ASCC3: variants seen among roughly 807,000 people sequenced by gnomAD.
ASCC3 encodes ASC-1 complex subunit P200.
A neutral mutation model predicts 256.3 loss-of-function variants in ASCC3; 158 were observed. The ratio of observed to expected loss-of-function variants is 0.62; its 90% CI spans 0.54 to 0.70. ASCC3 has a LOEUF of 0.70. Among genes scored for constraint, ASCC3 ranks in the 30% least tolerant of loss-of-function variants. The probability of loss-of-function intolerance (pLI) is 0.00; values close to 1 mark genes in which losing one functional copy is unlikely to be tolerated. For missense variants in ASCC3, 2,259 were observed against 2,626.0 expected, an observed-to-expected ratio of 0.86 and a Z score of 3.05; for synonymous variants, 948 against 883.4, an observed-to-expected ratio of 1.07 and a Z score of -1.30.
intron 36 of ASCC3, among the ~76,000 whole-genome samples, chr6:100,583,388 T>C (rs184490665): frequency 7.2e-5 from 11 of 151,802 alleles, no homozygotes; most frequent in Non-Finnish European, 1.2e-4. Context: ...GTGTTTGTAG[T>C]ATTCTCTGAT....
chr6:100,748,800 G>A (rs1475922093), intron 10 of ASCC3, among the ~76,000 whole-genome samples: 3 of 152,094 alleles, frequency 2.0e-5, no homozygotes, highest in African/African-American at 7.2e-5. Context: ...GTGCTTTCAT[G>A]ACTGGAGAAA....
intron 13 of ASCC3, among the ~76,000 whole-genome samples, chr6:100,689,566 C>G (rs1777738777): frequency 6.6e-6 from 1 of 152,140 alleles, no homozygotes; most frequent in Admixed American, 6.5e-5. Flanking sequence ...TCAGTGGATG[C>G]TCAATAAATA....
chr6:100,599,664 C>A, intron 34 of ASCC3, among the ~76,000 whole-genome samples: 6 of 148,512 alleles, frequency 4.0e-5, no homozygotes, highest in African/African-American at 2.5e-5. Flanking sequence ...GAAAGTTCAA[C>A]AATTAAAAAA....
At chr6:100,589,009 A>T (rs1344611173) in intron 36 of ASCC3, among the ~76,000 whole-genome samples, 1 of 152,192 alleles carries the variant, frequency 6.6e-6, no homozygotes, top group East Asian at 1.9e-4. Context: ...CTTAAAATCA[A>T]CAAAGGGAAA....
intron 4 of ASCC3, among the ~76,000 whole-genome samples, chr6:100,825,628 C>G (rs1179818017): frequency 6.6e-6 from 1 of 152,034 alleles, no homozygotes; most frequent in African/African-American, 2.4e-5. Flanking sequence ...CTCTGTATTT[C>G]CTGAATTTGA....
At chr6:100,761,912 C>T (rs1323473123) in intron 10 of ASCC3, among the ~76,000 whole-genome samples, 2 of 152,132 alleles carry the variant, frequency 1.3e-5, no homozygotes, top group African/African-American at 4.8e-5. Flanking sequence ...ACCCTTTATT[C>T]CCACCCTTAT....
intron 13 of ASCC3, among the ~76,000 whole-genome samples, chr6:100,687,030 TCTCTCACACA>T (rs1320855180): frequency 6.2e-5 from 8 of 129,352 alleles, no homozygotes; most frequent in East Asian, 2.7e-4. Flanking sequence ...TCTCTCTCTC[TCTCTCACACA>T]CACACACACA....
intron 27 of ASCC3, 101 bp downstream of exon 27, chr6:100,628,914 T>C (rs893806016): frequency 1.8e-6 from 2 of 1,134,232 alleles, no homozygotes; most frequent in African/African-American, 3.1e-5. Context: ...CATTGTGCCC[T>C]AGAAATATAT....
At chr6:100,570,674 A>G (rs1185904615) in intron 36 of ASCC3, among the ~76,000 whole-genome samples, 2 of 152,014 alleles carry the variant, frequency 1.3e-5, no homozygotes, top group Non-Finnish European at 2.9e-5. Flanking sequence ...ATCTCAACCA[A>G]TTCAATGACT....
chr6:100,732,812 G>A (rs1779968740), intron 10 of ASCC3, among the ~76,000 whole-genome samples: 2 of 152,090 alleles, frequency 1.3e-5, no homozygotes, highest in South Asian at 4.1e-4. Flanking sequence ...AACTGCCACT[G>A]CCACAACCTA....
At chr6:100,834,954 A>T (rs931126537) in intron 4 of ASCC3, among the ~76,000 whole-genome samples, 1 of 152,154 alleles carries the variant, frequency 6.6e-6, no homozygotes, top group Non-Finnish European at 1.5e-5. Flanking sequence ...TATTTTATGA[A>T]ACTGGAATAA....
At chr6:100,766,928 T>G (rs1018756853) in intron 9 of ASCC3, among the ~76,000 whole-genome samples, 2 of 152,194 alleles carry the variant, frequency 1.3e-5, no homozygotes, top group African/African-American at 2.4e-5. Flanking sequence ...CTTTGAAAAT[T>G]GTATAGATGT....
chr6:100,547,504 A>G (rs1769034491), intron 36 of ASCC3, among the ~76,000 whole-genome samples: 1 of 152,096 alleles, frequency 6.6e-6, no homozygotes, highest in Non-Finnish European at 1.5e-5. Context: ...CAAAGCTCCA[A>G]CAATGAGAAA....
At chr6:100,567,152 T>C (rs1221454088) in intron 36 of ASCC3, among the ~76,000 whole-genome samples, 3 of 152,040 alleles carry the variant, frequency 2.0e-5, no homozygotes, top group Admixed American at 6.6e-5. Context: ...AATAAACACA[T>C]AATCAAGAAA....
At chr6:100,601,473 A>C (rs1772609353) in intron 34 of ASCC3, among the ~76,000 whole-genome samples, 1 of 151,856 alleles carries the variant, frequency 6.6e-6, no homozygotes, top group South Asian at 2.1e-4. Context: ...CACAAGCCTC[A>C]CTCTTTTCTG....
At chr6:100,864,300 A>T in intron 2 of ASCC3, 86 bp from the exon 3 acceptor site, 1 of 1,242,204 alleles carries the variant, frequency 8.1e-7, no homozygotes, top group South Asian at 1.3e-5. Flanking sequence ...GCATTACATT[A>T]TACAACTTGG....
intron 13 of ASCC3, among the ~76,000 whole-genome samples, chr6:100,692,094 T>C (rs1018197425): frequency 3.9e-5 from 6 of 152,142 alleles, no homozygotes; most frequent in African/African-American, 1.2e-4. Context: ...TTCCCATTCA[T>C]TGGGACCAAG....
chr6:100,657,247 C>T (rs240122), intron 16 of ASCC3, among the ~76,000 whole-genome samples: 11,107 of 151,290 alleles, frequency 0.073, 603 homozygotes, highest in African/African-American at 0.15. Context: ...ATATTACAAA[C>T]GGCTAAGCCA....
chr6:100,811,287 C>T (rs902078520), intron 4 of ASCC3, among the ~76,000 whole-genome samples: 48 of 152,038 alleles, frequency 3.2e-4, no homozygotes, highest in Admixed American at 2.8e-3. Context: ...AATTATAGCT[C>T]CGATAAGATC....
Sources: gnomAD v4.1 joint callset for allele counts (sites outside exome capture counted in the v4.1 genomes callset) on GRCh38, gnomAD v4.1.1 for gene constraint, MANE v1.5 for transcripts, NCBI Gene and HGNC (gene_info 2026-07-23, HGNC 2026-07-21) for gene names.